The following WDFY4 variants were observed in gnomAD, a reference collection of about 807,000 sequenced individuals.
WDFY4 encodes the protein WD repeat- and FYVE domain-containing protein 4.
Under a neutral mutation model 351.9 loss-of-function variants are expected in WDFY4, and 169 were observed. The ratio of observed to expected loss-of-function variants is 0.48; its 90% CI spans 0.42 to 0.55. WDFY4 has a LOEUF of 0.55. Ranked by LOEUF, WDFY4 falls within the 20% of genes least tolerant of loss-of-function variation. The pLI, the probability that WDFY4 is intolerant of heterozygous loss-of-function variation, is 0.00. For synonymous variants in WDFY4, 1,622 were observed against 1,574.6 expected, an observed-to-expected ratio of 1.03 and a Z score of -0.71; for missense variants, 3,803 against 3,935.6, an observed-to-expected ratio of 0.97 and a Z score of 0.90.
chr10:48,692,050 G>A (rs964810590), intron 1 of WDFY4, among the ~76,000 whole-genome samples: 9 of 152,334 alleles, frequency 5.9e-5, no homozygotes, highest in African/African-American at 1.7e-4. Flanking sequence ...GCCCAGGATG[G>A]GGGGTGTGAG....
At chr10:48,685,256 G>A (rs968979584) in intron 1 of WDFY4, among the ~76,000 whole-genome samples, 2 of 152,220 alleles carry the variant, frequency 1.3e-5, no homozygotes, top group Non-Finnish European at 2.9e-5. Flanking sequence ...CACTGCTGAA[G>A]TTTGGGAGTC....
intron 42 of WDFY4, among the ~76,000 whole-genome samples, chr10:48,875,847 A>G (rs1028965757): frequency 1.3e-5 from 2 of 152,108 alleles, no homozygotes; most frequent in African/African-American, 4.8e-5. Flanking sequence ...TCCCCAGGTG[A>G]TTTGGGGTCT....
Position 48,873,683 on chromosome 10 carries a change from T to C in WDFY4, c.6934T>C (p.Ser2312Pro). The C allele has an allele frequency of 1.9e-6, 3 of 1,551,736 alleles. No individual in the cohort carries two copies. The highest frequency in any genetic ancestry group is 2.6e-6 in the Non-Finnish European group (3 of 1,146,996). ...CTTGTCTCCTTTGGAGGCCCTGAGC[T>C]CAGGAAGGCACAAGGTAGGAGTCAG... ...KRLSPLEALS[S>P]GRHKESQDKN... The change falls in exon 41 of 62, where the codon TCA (serine) becomes CCA (proline). Residue 2312 changes from serine to proline, a missense_variant. By Grantham distance (74) the Ser-to-Pro change is moderately conservative. Coordinates refer to ENST00000325239, the MANE Select transcript of WDFY4 (RefSeq NM_001394531.1).
intron 9 of WDFY4, among the ~76,000 whole-genome samples, chr10:48,732,595 C>T (rs1234693703): frequency 6.6e-6 from 1 of 152,192 alleles, no homozygotes; most frequent in Non-Finnish European, 1.5e-5. Context: ...ATGCTACTGA[C>T]AAACTGAGTG....
chr10:48,719,977 G>C, intron 2 of WDFY4, 34 bp from the exon 3 acceptor site: 1 of 1,540,872 alleles, frequency 6.5e-7, no homozygotes, highest in South Asian at 1.2e-5. Context: ...TTGTGGCATT[G>C]CTATCTCTGA....
intron 39 of WDFY4, among the ~76,000 whole-genome samples, chr10:48,855,774 T>C (rs922383887): frequency 6.6e-6 from 1 of 152,144 alleles, no homozygotes; most frequent in African/African-American, 2.4e-5. Flanking sequence ...TTATCCATGG[T>C]TAACCATGGT....
chr10:48,774,794 G>A (rs993606982), intron 14 of WDFY4, 122 bp downstream of exon 14: 2 of 1,264,524 alleles, frequency 1.6e-6, no homozygotes, highest in Non-Finnish European at 1.1e-6. Flanking sequence ...CTCTGTCCTG[G>A]CATTCAAGGC....
intron 7 of WDFY4, among the ~76,000 whole-genome samples, chr10:48,728,770 C>T (rs1426201203): frequency 6.6e-6 from 1 of 152,248 alleles, no homozygotes; most frequent in Non-Finnish European, 1.5e-5. Flanking sequence ...ATAGCATTTC[C>T]TGAACAAATT....
In WDFY4 at chr10:48,723,462, G is replaced by T. The variant is rs915348353; in HGVS notation, c.486G>T (p.Gly162=). Residue 162 remains glycine (G), a synonymous_variant, in exon 5 of 62, where the codon GGG becomes GGT. Coordinates refer to ENST00000325239, the MANE Select transcript of WDFY4 (RefSeq NM_001394531.1). ...SETLGRVAES[G]LPALLLQCLY... is the part of the protein sequence containing the mutation. ...CGCTGGGCAGGGTTGCTGAGTCTGG[G>T]CTTCCAGCCCTGCTCCTACAGTGCC... 20 of 1,550,350 alleles carry T rather than the reference G, an allele frequency of 1.3e-5. No homozygotes were observed. The Admixed American group carries it at 1.8e-4, about 14-fold the overall frequency.
At chr10:48,823,287 A>G in intron 35 of WDFY4, 1 of 1,290,968 alleles carries the variant, frequency 7.7e-7, no homozygotes, top group South Asian at 1.2e-5. Context: ...AAGTTGTCCC[A>G]CCCAGGGGGA....
At position 48,761,406 on chromosome 10, in the gene WDFY4, G is replaced by A. The variant is rs534530630; in HGVS notation, c.2553+966G>A. On this transcript the variant is annotated intron_variant, in intron 13 of 61. Transcript: ENST00000325239. ...AATGAGGGTTGAGAGGAAGAGGCAAGGGGCAAGAGTTAGGAGTCTCTGCCT... is the reference window on the plus strand; with the variant it reads ...AATGAGGGTTGAGAGGAAGAGGCAAAGGGCAAGAGTTAGGAGTCTCTGCCT... 3.3e-5 allele frequency among the ~76,000 whole-genome samples: 5 copies of A among 152,310 alleles called. No homozygotes were observed. The East Asian group carries it at 9.6e-4, about 29-fold the overall frequency.
At chr10:48,907,071 C>A (rs1463304994) in intron 47 of WDFY4, among the ~76,000 whole-genome samples, 1 of 152,098 alleles carries the variant, frequency 6.6e-6, no homozygotes, top group East Asian at 1.9e-4. Context: ...TACTGGGGAA[C>A]CTAATTCTCT....
At chr10:48,706,362 A>G (rs916158359) in intron 1 of WDFY4, among the ~76,000 whole-genome samples, 1 of 152,158 alleles carries the variant, frequency 6.6e-6, no homozygotes, top group African/African-American at 2.4e-5. Flanking sequence ...CTCCTTACAA[A>G]GAACCCATGA....
At chr10:48,898,383 G>A (rs999367927) in intron 45 of WDFY4, among the ~76,000 whole-genome samples, 1 of 152,168 alleles carries the variant, frequency 6.6e-6, no homozygotes, top group Non-Finnish European at 1.5e-5. Context: ...AGGGCAGCTG[G>A]CAGAAAAGGG....
intron 27 of WDFY4, among the ~76,000 whole-genome samples, chr10:48,807,615 A>G (rs778374347): frequency 2.6e-5 from 4 of 152,156 alleles, no homozygotes; most frequent in African/African-American, 7.2e-5. Context: ...TATTTTTAGG[A>G]TTTTTGTTTT....
chr10:48,837,899 AG>A (rs1186714410), intron 39 of WDFY4, among the ~76,000 whole-genome samples: 2 of 152,192 alleles, frequency 1.3e-5, no homozygotes, highest in Non-Finnish European at 2.9e-5. Flanking sequence ...CCATCAGAGG[AG>A]GGGGACCCAC....
At chr10:48,913,537 A>G (rs1174250661) in intron 47 of WDFY4, 1 of 1,613,922 alleles carries the variant, frequency 6.2e-7, no homozygotes, top group African/African-American at 1.3e-5. Flanking sequence ...CAAGCCGCAC[A>G]CAGATCCTTC....
chr10:48,845,331 CCA>C (rs1454880776), intron 39 of WDFY4, among the ~76,000 whole-genome samples: 6 of 152,200 alleles, frequency 3.9e-5, no homozygotes, highest in African/African-American at 1.4e-4. Flanking sequence ...TCAACCTCCC[CCA>C]CACACTCATG....
At chr10:48,705,236 C>T (rs1329352821) in intron 1 of WDFY4, among the ~76,000 whole-genome samples, 7 of 152,202 alleles carry the variant, frequency 4.6e-5, no homozygotes, top group Non-Finnish European at 7.3e-5. Flanking sequence ...AGGTTTGGAT[C>T]CTGTTTTTAT....
Sources: gnomAD v4.1 joint callset for allele counts (sites outside exome capture counted in the v4.1 genomes callset) on GRCh38, gnomAD v4.1.1 for gene constraint, MANE v1.5 for transcripts, NCBI Gene and HGNC (gene_info 2026-07-23, HGNC 2026-07-21) for gene names.